RARA: variants seen among roughly 807,000 people sequenced by gnomAD.
The protein encoded by RARA is PML-DDX5-RARA fusion.
RARA carries 5 observed loss-of-function variants against 42.8 expected under a neutral mutation model. The observed-to-expected ratio is 0.12, with a 90% confidence interval of 0.06 to 0.25. The LOEUF (loss-of-function observed/expected upper bound fraction) is 0.25. Ranked by LOEUF, RARA falls within the 10% of genes least tolerant of loss-of-function variation. RARA has a pLI of 1.00. For synonymous variants in RARA, 256 were observed against 259.5 expected, an observed-to-expected ratio of 0.99 and a Z score of 0.13; for missense variants, 402 against 628.7, an observed-to-expected ratio of 0.64 and a Z score of 3.86.
intron 2 of RARA, among the ~76,000 whole-genome samples, chr17:40,337,965 T>C (rs955350758): frequency 1.3e-5 from 2 of 152,240 alleles, no homozygotes; most frequent in Non-Finnish European, 2.9e-5. Flanking sequence ...GCAATGCCTT[T>C]CTTGGAGTCC....
intron 2 of RARA, 78 bp from the exon 3 acceptor site, chr17:40,348,238 A>G: frequency 6.9e-7 from 1 of 1,453,464 alleles, no homozygotes; most frequent in Non-Finnish European, 9.1e-7. Context: ...CTTAGGAGGG[A>G]CGGTGAGGCA....
chr17:40,336,852 C>T (rs945474774), intron 2 of RARA, among the ~76,000 whole-genome samples: 2 of 152,008 alleles, frequency 1.3e-5, no homozygotes, highest in Non-Finnish European at 2.9e-5. Flanking sequence ...TGTGCCGCTA[C>T]GCCCAGCTAA....
chr17:40,350,034 G>C, intron 4 of RARA, 109 bp downstream of exon 4: 1 of 1,470,482 alleles, frequency 6.8e-7, no homozygotes, highest in East Asian at 2.3e-5. Context: ...GCATGAACAC[G>C]CATGCCGTGG....
At chr17:40,330,389 A>G (rs2033660306) in intron 1 of RARA, among the ~76,000 whole-genome samples, 1 of 150,852 alleles carries the variant, frequency 6.6e-6, no homozygotes, top group South Asian at 2.1e-4. Flanking sequence ...TCTGGGGGGG[A>G]AGTGGTGTAA....
chr17:40,310,595 G>A (rs1392496482), intron 1 of RARA, among the ~76,000 whole-genome samples: 3 of 152,146 alleles, frequency 2.0e-5, no homozygotes, highest in South Asian at 4.1e-4. Flanking sequence ...TTCAGACTTC[G>A]TTCTGGTCTT....
At chr17:40,342,536 T>G in intron 2 of RARA, 2 of 1,321,728 alleles carry the variant, frequency 1.5e-6, no homozygotes, top group Non-Finnish European at 1.9e-6. Context: ...GCCGGCGGAC[T>G]TAGACGCGGG....
At chr17:40,328,239 C>T (rs563624262) in intron 1 of RARA, among the ~76,000 whole-genome samples, 2 of 152,178 alleles carry the variant, frequency 1.3e-5, no homozygotes, top group African/African-American at 4.8e-5. Context: ...CAAATGCTGG[C>T]CATGTGCTTG....
rs71356657 is a variant in RARA, at chr17:40,315,132, GTATATATATATATATATATATATA to G, written c.-363+5863_-363+5886del. Among the ~76,000 whole-genome samples, 29 of 64,182 alleles carry G rather than the reference GTATATATATATATATATATATATA, an allele frequency of 4.5e-4. No individual in the cohort carries two copies. In the South Asian group the frequency reaches 0.011, roughly 25 times the overall value. The allele number at this position is 64,182 out of a possible 152,430, so 42.1% of individuals were successfully genotyped here. A position where few individuals can be genotyped will look rare whatever the true frequency, so the allele number is the denominator to read the frequency against. ...TATATATATATATATGCTTATATGT[GTATATATATATATATATATATATA>G]TATATATATATATATACACACACAC... On this transcript the variant is annotated intron_variant, in intron 1 of 8. Transcript: ENST00000254066.
At chr17:40,328,598 C>A (rs565713622) in intron 1 of RARA, among the ~76,000 whole-genome samples, 1 of 152,236 alleles carries the variant, frequency 6.6e-6, no homozygotes, top group Admixed American at 6.5e-5. Flanking sequence ...TCCTCAAATC[C>A]ACGCCCCAGC....
chr17:40,330,029 T>C (rs1355747242), intron 1 of RARA, among the ~76,000 whole-genome samples: 1 of 152,236 alleles, frequency 6.6e-6, no homozygotes, highest in Non-Finnish European at 1.5e-5. Flanking sequence ...GCATATCCTC[T>C]GGTGCCAGCT....
At position 40,335,997 on chromosome 17, in the gene RARA, C is replaced by A. The variant is rs183703405; in HGVS notation, c.178+4601C>A. On this transcript the variant is annotated intron_variant, in intron 2 of 8. Coordinates refer to ENST00000254066, the MANE Select transcript of RARA (RefSeq NM_000964.4). ...CAGCCTGGTGGGTGACAGAGCAAGACCCTGTCTCAAAAACAACAACAACTT... is the reference window on the plus strand; with the variant it reads ...CAGCCTGGTGGGTGACAGAGCAAGAACCTGTCTCAAAAACAACAACAACTT... 6.2e-3 allele frequency among the ~76,000 whole-genome samples: 940 copies of A among 152,306 alleles called. 12 individuals carry two copies. The highest frequency in any genetic ancestry group is 0.021 in the African/African-American group (887 of 41,566).
In RARA at chr17:40,340,887, TTTA is replaced by T. The variant is rs2143368763; in HGVS notation, c.179-7422_179-7420del. Reference sequence around the variant, plus strand: ...GGAAGTTCAAATACCTGCTCTACTCTTTATTATTAGTAATGTGATCTTGGACAA... The same window carrying T: ...GGAAGTTCAAATACCTGCTCTACTCTTTATTAGTAATGTGATCTTGGACAA... On this transcript the variant is annotated intron_variant, in intron 2 of 8. Coordinates refer to ENST00000254066, the MANE Select transcript of RARA (RefSeq NM_000964.4). The T allele has an allele frequency of 2.2e-5, 9 of 400,224 alleles. 1 individual carries two copies. The highest frequency in any genetic ancestry group is 1.8e-4 in the African/African-American group (9 of 48,764). The allele number at this position is 400,224 out of a possible 1,614,324, so 24.8% of individuals were successfully genotyped here. A position where few individuals can be genotyped will look rare whatever the true frequency, so the allele number is the denominator to read the frequency against.
At chr17:40,346,285 C>G (rs1028042421) in intron 2 of RARA, among the ~76,000 whole-genome samples, 3 of 152,094 alleles carry the variant, frequency 2.0e-5, no homozygotes, top group African/African-American at 4.8e-5. Context: ...TACCCTAGCT[C>G]CCCTCGTGAC....
At chr17:40,341,879 GC>G in intron 2 of RARA, 1 of 1,021,490 alleles carries the variant, frequency 9.8e-7, no homozygotes, top group South Asian at 4.1e-5. Context: ...TCCCCTCGCA[GC>G]CCCCTCCTCT....
rs964230898 is a variant in RARA at position 40,351,330 on chromosome 17, C to T, written c.470-580C>T. The T allele has an allele frequency of 5.1e-5, 14 of 274,654 alleles. No individual in the cohort carries two copies. The highest frequency in any genetic ancestry group is 3.2e-4 in the African/African-American group (14 of 43,554). 17.0% of individuals were successfully genotyped at this position (274,654 alleles called of 1,614,324 possible). A position where few individuals can be genotyped will look rare whatever the true frequency, so the allele number is the denominator to read the frequency against. On this transcript the variant is annotated intron_variant, in intron 4 of 8. Coordinates refer to ENST00000254066, the MANE Select transcript of RARA (RefSeq NM_000964.4). This position sits in a 1 kb window ranked among gnomAD's most constrained non-coding sequence, Gnocchi z 4.1. The stretch of plus-strand genomic sequence containing the variant: ...TGTCTGGATAATCGGCTGGTAACGA[C>T]CCCATCGCTTCTTTAAAGCCGAGTG...
At chr17:40,321,461 C>T (rs557130981) in intron 1 of RARA, among the ~76,000 whole-genome samples, 2 of 152,268 alleles carry the variant, frequency 1.3e-5, no homozygotes, top group Admixed American at 1.3e-4. Flanking sequence ...GCAGACAGAC[C>T]TCCCACACTC....
In RARA at chr17:40,327,811, C is replaced by T. The variant is rs528394519; in HGVS notation, c.-362-3046C>T. ...GGAACTGATGAGGTTCTGCCAGCCT[C>T]TTCTTCCCTTGCATGGCTCCCCCAG... On this transcript the variant is annotated intron_variant, in intron 1 of 8. Transcript: ENST00000254066. Among the ~76,000 whole-genome samples, 8 of 152,336 alleles carry T rather than the reference C, an allele frequency of 5.3e-5. No individual in the cohort carries two copies. In the East Asian group the frequency reaches 1.5e-3, roughly 29 times the overall value.
At chr17:40,349,977 G>A (rs1031457668) in intron 4 of RARA, 52 bp downstream of exon 4, 1 of 1,602,972 alleles carries the variant, frequency 6.2e-7, no homozygotes, top group East Asian at 2.2e-5. Context: ...GGTCTCAGAT[G>A]CTCCTAAAGA....
chr17:40,338,706 CAA>C (rs34668171), intron 2 of RARA, among the ~76,000 whole-genome samples: 6 of 52,394 alleles, frequency 1.1e-4, no homozygotes, highest in Middle Eastern at 0.013. Flanking sequence ...GACTTGGACT[CAA>C]AAAAAAAAAA....
Sources: gnomAD v4.1 joint callset for allele counts (sites outside exome capture counted in the v4.1 genomes callset) on GRCh38, gnomAD v4.1.1 for gene constraint, Gnocchi (gnomAD v3.1) non-coding constraint, MANE v1.5 for transcripts, NCBI Gene and HGNC (gene_info 2026-07-23, HGNC 2026-07-21) for gene names.